ANKS1B: variants seen among roughly 807,000 people sequenced by gnomAD.
ANKS1B encodes the protein ankyrin repeat and sterile alpha motif domain-containing protein 1B.
Under a neutral mutation model 148.3 loss-of-function variants are expected in ANKS1B, and 36 were observed. The ratio of observed to expected loss-of-function variants is 0.24; its 90% CI spans 0.19 to 0.32. ANKS1B has a LOEUF of 0.32. ANKS1B is among the 10% of genes least tolerant of loss of function. ANKS1B has a pLI of 1.00. For missense variants in ANKS1B, 1,157 were observed against 1,542.6 expected, an observed-to-expected ratio of 0.75 and a Z score of 4.19; for synonymous variants, 542 against 560.8, an observed-to-expected ratio of 0.97 and a Z score of 0.47.
chr12:99,392,560 T>C (rs567117740), intron 12 of ANKS1B, among the ~76,000 whole-genome samples: 2 of 152,348 alleles, frequency 1.3e-5, no homozygotes, highest in South Asian at 4.1e-4. Flanking sequence ...CCCAAGGTAG[T>C]TGACTTGCTT....
At chr12:99,332,123 G>A (rs969507026) in intron 12 of ANKS1B, among the ~76,000 whole-genome samples, 4 of 151,888 alleles carry the variant, frequency 2.6e-5, no homozygotes, top group African/African-American at 7.3e-5. Flanking sequence ...GCTGTATAGC[G>A]TGTTAAAGTG....
chr12:98,910,423 G>A (rs1238508247), intron 17 of ANKS1B, among the ~76,000 whole-genome samples: 1 of 152,082 alleles, frequency 6.6e-6, no homozygotes, highest in Non-Finnish European at 1.5e-5. Context: ...GCAAGGGAGG[G>A]GGATATTTAG....
intron 10 of ANKS1B, among the ~76,000 whole-genome samples, chr12:99,468,150 C>G (rs2096165455): frequency 6.6e-6 from 1 of 152,092 alleles, no homozygotes; most frequent in Non-Finnish European, 1.5e-5. Flanking sequence ...CTACAACTAT[C>G]TGATCTTTGA....
At position 99,810,188 on chromosome 12, in the gene ANKS1B, C is replaced by G. The variant is rs547148756; in HGVS notation, c.372+1967G>C. On this transcript the variant is annotated intron_variant, in intron 3 of 26. Transcript: ENST00000683438. ...CGACAAGTTGTTTAGTTTTACAGAG[C>G]ATGATTTCTCAACTATAAAATGCGA... Among the ~76,000 whole-genome samples the G allele has an allele frequency of 3.3e-5, 5 of 152,092 alleles. No individual in the cohort carries two copies. The South Asian group carries it at 1.0e-3, about 32-fold the overall frequency.
chr12:99,113,770 C>G (rs1056438216), intron 15 of ANKS1B, among the ~76,000 whole-genome samples: 2 of 152,170 alleles, frequency 1.3e-5, no homozygotes, highest in Non-Finnish European at 2.9e-5. Context: ...CAGGGTCTCC[C>G]ATTCCACCTT....
chr12:99,902,014 G>A (rs538801617), intron 1 of ANKS1B, among the ~76,000 whole-genome samples: 31 of 152,256 alleles, frequency 2.0e-4, no homozygotes, highest in Non-Finnish European at 3.5e-4. Context: ...AGATAGAAAA[G>A]GTCAATATCC....
At chr12:99,435,291 G>T (rs2095441317) in intron 11 of ANKS1B, among the ~76,000 whole-genome samples, 1 of 151,968 alleles carries the variant, frequency 6.6e-6, no homozygotes, top group Admixed American at 6.6e-5. Flanking sequence ...TATACTTCCT[G>T]TGGCTCACTT....
chr12:99,314,683 A>G (rs996639238), intron 12 of ANKS1B, among the ~76,000 whole-genome samples: 10 of 152,332 alleles, frequency 6.6e-5, no homozygotes, highest in African/African-American at 2.2e-4. Context: ...TTTCCTATTC[A>G]ATAAATGGTG....
chr12:99,726,258 G>C (rs928944633), intron 8 of ANKS1B, among the ~76,000 whole-genome samples: 9 of 151,630 alleles, frequency 5.9e-5, no homozygotes, highest in Admixed American at 5.9e-4. Flanking sequence ...TAATAAAGAA[G>C]AAAAAAGAAT....
At chr12:99,128,265 G>A (rs1289989379) in intron 15 of ANKS1B, among the ~76,000 whole-genome samples, 3 of 152,110 alleles carry the variant, frequency 2.0e-5, no homozygotes, top group Admixed American at 6.5e-5. Flanking sequence ...CTACACAGTA[G>A]CTGCATACTG....
At chr12:99,803,277 C>CCG (rs2067187121) in intron 4 of ANKS1B, among the ~76,000 whole-genome samples, 1 of 123,960 alleles carries the variant, frequency 8.1e-6, no homozygotes, top group South Asian at 2.8e-4. Context: ...AAATATTCAC[C>CCG]CCCCCCCAAA....
At chr12:99,205,914 C>T (rs944695506) in intron 14 of ANKS1B, among the ~76,000 whole-genome samples, 5 of 152,072 alleles carry the variant, frequency 3.3e-5, no homozygotes, top group Admixed American at 1.3e-4. Context: ...TGAGGCATGC[C>T]TCAGGTGTCT....
intron 12 of ANKS1B, among the ~76,000 whole-genome samples, chr12:99,380,820 A>G (rs2093615699): frequency 6.7e-6 from 1 of 148,372 alleles, no homozygotes; most frequent in Admixed American, 6.7e-5. Context: ...GCTCCACAAC[A>G]AACATTTGTT....
intron 8 of ANKS1B, among the ~76,000 whole-genome samples, chr12:99,740,299 G>A (rs1268525846): frequency 2.0e-5 from 3 of 151,262 alleles, no homozygotes; most frequent in Non-Finnish European, 2.9e-5. Flanking sequence ...AACAGAGGGA[G>A]ACCGTGTCTC....
At chr12:99,274,563 C>T (rs994499221) in intron 12 of ANKS1B, among the ~76,000 whole-genome samples, 16 of 152,278 alleles carry the variant, frequency 1.1e-4, no homozygotes, top group South Asian at 6.2e-4. Flanking sequence ...ATCTACCCAG[C>T]GCTTCTGCTA....
intron 12 of ANKS1B, among the ~76,000 whole-genome samples, chr12:99,361,833 C>T (rs1182894208): frequency 6.6e-6 from 1 of 151,866 alleles, no homozygotes; most frequent in African/African-American, 2.4e-5. Flanking sequence ...AACATTTGAC[C>T]ACATTTAATT....
At chr12:99,635,012 C>T (rs889710747) in intron 9 of ANKS1B, among the ~76,000 whole-genome samples, 2 of 152,116 alleles carry the variant, frequency 1.3e-5, no homozygotes, top group Non-Finnish European at 2.9e-5. Flanking sequence ...TGAAAAGATG[C>T]CCAACATCAC....
intron 1 of ANKS1B, among the ~76,000 whole-genome samples, chr12:99,839,629 C>G (rs2085386960): frequency 6.6e-6 from 1 of 151,732 alleles, no homozygotes; most frequent in Admixed American, 6.6e-5. Context: ...TACTATGTGC[C>G]AGATATCATT....
chr12:99,379,315 T>C (rs1418028654), intron 12 of ANKS1B, among the ~76,000 whole-genome samples: 1 of 152,192 alleles, frequency 6.6e-6, no homozygotes, highest in Non-Finnish European at 1.5e-5. Flanking sequence ...TGAATCAGAA[T>C]GGATGGAATC....
Sources: gnomAD v4.1 joint callset for allele counts (sites outside exome capture counted in the v4.1 genomes callset) on GRCh38, gnomAD v4.1.1 for gene constraint, MANE v1.5 for transcripts, NCBI Gene and HGNC (gene_info 2026-07-23, HGNC 2026-07-21) for gene names.